The following ITGB4 variants were observed in gnomAD, a reference collection of about 807,000 sequenced individuals.
ITGB4 encodes the protein integrin subunit beta 4, also known as integrin beta-4.
A neutral mutation model predicts 207.6 loss-of-function variants in ITGB4; 159 were observed. The observed-to-expected ratio is 0.77, with a 90% CI of 0.67 to 0.87. ITGB4 has a LOEUF of 0.87. Ranked by LOEUF, ITGB4 falls within the 40% of genes least tolerant of loss-of-function variation. ITGB4 has a pLI of 0.00. For synonymous variants in ITGB4, 1,020 were observed against 1,062.7 expected (o/e 0.96, Z 0.78); for missense variants, 2,278 against 2,546.8 (o/e 0.89, Z 2.27).
intron 18 of ITGB4, among the ~76,000 whole-genome samples, chr17:75,738,798 A>G (rs754027731): frequency 1.3e-5 from 2 of 152,206 alleles, no homozygotes; most frequent in Non-Finnish European, 1.5e-5. Flanking sequence ...TGTGCATTAC[A>G]TAGGCAAGGA....
chr17:75,753,636 A>C, intron 32 of ITGB4, 129 bp from the exon 33 acceptor site: 3 of 551,034 alleles, frequency 5.4e-6, no homozygotes, highest in Non-Finnish European at 5.4e-6. Flanking sequence ...CCCCGCCCCC[A>C]ACACACACCC....
At chr17:75,735,424 T>C (rs1294455920) in intron 13 of ITGB4, among the ~76,000 whole-genome samples, 4 of 145,272 alleles carry the variant, frequency 2.8e-5, no homozygotes, top group Non-Finnish European at 6.1e-5. Flanking sequence ...TTTTTTTTTT[T>C]TTTTTTTGAG....
At position 75,750,536 on chromosome 17, in the gene ITGB4, A is replaced by T. The variant is rs950899987; in HGVS notation, c.3475-144A>T. 3.5e-6 allele frequency: 3 copies of T among 850,914 alleles called. No homozygotes were observed. Among genetic ancestry groups the T allele is most frequent in the Non-Finnish European group, 5.7e-6 (3 of 527,530 alleles). 52.7% of individuals were successfully genotyped at this position (850,914 alleles called of 1,614,324 possible). On this transcript the variant is annotated intron_variant, in intron 28 of 39. Transcript: ENST00000200181. This position sits in a 1 kb window ranked among gnomAD's most constrained non-coding sequence, Gnocchi z 5.5. ...CCCCACCTGCTCTGCCCTAGTCCTG[A>T]CGTGTGCACATGGCAGATCTCTCAG... is the stretch of plus-strand genomic sequence containing the variant.
intron 13 of ITGB4, among the ~76,000 whole-genome samples, chr17:75,734,616 G>A (rs1042933845): frequency 8.5e-5 from 13 of 152,192 alleles, no homozygotes; most frequent in Admixed American, 7.9e-4. Context: ...GGAGGAGGAT[G>A]AATGAAAATC....
At position 75,740,341 on chromosome 17, in the gene ITGB4, C is replaced by G. The variant is rs774016446; in HGVS notation, c.2447-17C>G. On this transcript the variant is annotated splice_polypyrimidine_tract_variant and intron_variant, in intron 20 of 39. Transcript: ENST00000200181. This position sits in a 1 kb window ranked among gnomAD's most constrained non-coding sequence, Gnocchi z 5.9. The stretch of plus-strand genomic sequence containing the variant: ...CTGACCACCTCCATCTCACCCCCTC[C>G]CACCGCCTTTCCTTAGTGCCCTACG... 1 of 1,606,264 alleles carries G rather than the reference C, an allele frequency of 6.2e-7. No individual in the cohort carries two copies. Among genetic ancestry groups the G allele is most frequent in the African/African-American group, 1.3e-5 (1 of 74,944 alleles).
In ITGB4 at chr17:75,736,272, C is replaced by T. The variant is rs2060972874; in HGVS notation, c.1762-16C>T. ...ATGGGGCACAGCTGGCTCACTGGTG[C>T]CCCCTCCTACCCCAGGGCATCTGTA... On this transcript the variant is annotated splice_polypyrimidine_tract_variant and intron_variant, in intron 14 of 39. Transcript: ENST00000200181. 2 of 1,611,128 alleles carry T rather than the reference C, an allele frequency of 1.2e-6. No individual in the cohort carries two copies. Among genetic ancestry groups the T allele is most frequent in the African/African-American group, 2.7e-5 (2 of 74,858 alleles).
intron 6 of ITGB4, among the ~76,000 whole-genome samples, 187 bp downstream of exon 6, chr17:75,728,660 G>A (rs1053948395): frequency 6.6e-6 from 1 of 152,098 alleles, no homozygotes; most frequent in Non-Finnish European, 1.5e-5. Flanking sequence ...ACCAGCCTGG[G>A]CAACATGGCA....
rs1479970885 is a variant in ITGB4 at position 75,739,910 on chromosome 17, A to G, written c.2285A>G (p.Tyr762Cys). 10 of 1,613,394 alleles carry G rather than the reference A, an allele frequency of 6.2e-6. No individual in the cohort carries two copies. Among genetic ancestry groups the G allele is most frequent in the Non-Finnish European group, 7.6e-6 (9 of 1,180,044 alleles). ...GHMVGFKEDH[Y>C]MLRENLMASD... ...ATGGTGGGCTTTAAGGAAGACCACT[A>G]CATGCTGCGGGAGAACCTGATGGCC... The change falls in exon 20 of 40, where the codon TAC (tyrosine) becomes TGC (cysteine). Residue 762 changes from tyrosine to cysteine, a missense_variant. Tyr to Cys is a radical substitution (Grantham distance 194, BLOSUM62 -2). Coordinates refer to ENST00000200181, the MANE Select transcript of ITGB4 (RefSeq NM_000213.5). The surrounding 1 kb of genome is among the most constrained non-coding windows in gnomAD (Gnocchi z 5.4).
rs536520379 is a variant in ITGB4, at chr17:75,731,453, G to A, written c.1215+85G>A. 33 of 1,398,990 alleles carry A rather than the reference G, an allele frequency of 2.4e-5. No individual in the cohort carries two copies. The highest frequency in any genetic ancestry group is 1.4e-4 in the African/African-American group (10 of 71,006). The allele number at this position is 1,398,990 out of a possible 1,614,324, so 86.7% of individuals were successfully genotyped here. A position where few individuals can be genotyped will look rare whatever the true frequency, so the allele number is the denominator to read the frequency against. ...ATCGTTTAAAACAGCGGTCAAGAGC[G>A]TGGCCCCTGGAGTCAGGCAGGCCTG... On this transcript the variant is annotated intron_variant, in intron 10 of 39. Coordinates refer to ENST00000200181, the MANE Select transcript of ITGB4 (RefSeq NM_000213.5). The surrounding 1 kb of genome is among the most constrained non-coding windows in gnomAD (Gnocchi z 6.8).
At chr17:75,724,413 G>A (rs1030439700) in intron 1 of ITGB4, among the ~76,000 whole-genome samples, 1 of 152,272 alleles carries the variant, frequency 6.6e-6, no homozygotes, top group Non-Finnish European at 1.5e-5. Flanking sequence ...GGAGCCCAGT[G>A]CTGAGAGGCC....
intron 12 of ITGB4, 99 bp from the exon 13 acceptor site, chr17:75,733,391 A>T: frequency 2.8e-6 from 3 of 1,066,220 alleles, no homozygotes; most frequent in Non-Finnish European, 3.9e-6. Flanking sequence ...GTCTCAAAAA[A>T]AAAAATAAAA....
rs755869152 is a variant in ITGB4 at position 75,740,998 on chromosome 17, G to A, written c.2626G>A (p.Gly876Arg). 1.7e-5 allele frequency: 28 copies of A among 1,613,524 alleles called. No individual in the cohort carries two copies. Among genetic ancestry groups the A allele is most frequent in the Middle Eastern group, 3.3e-4 (2 of 6,038 alleles). Residue 876 changes from glycine to arginine, a missense_variant, in exon 23 of 40, where the codon GGG (glycine) becomes AGG (arginine). Coordinates refer to ENST00000200181, the MANE Select transcript of ITGB4 (RefSeq NM_000213.5). This position sits in a 1 kb window ranked among gnomAD's most constrained non-coding sequence, Gnocchi z 5.9. ...QTKFRQQPNA[G>R]KKQDHTIVDT... ...TCCCCACAGGCAGCAGCCCAATGCC[G>A]GGAAAAAGTGAGTAGAAGACTCGTG...
rs2060855960 is a variant in ITGB4 at position 75,731,440 on chromosome 17, A to C, written c.1215+72A>C. On this transcript the variant is annotated intron_variant, in intron 10 of 39. Coordinates refer to ENST00000200181, the MANE Select transcript of ITGB4 (RefSeq NM_000213.5). The surrounding 1 kb of genome is among the most constrained non-coding windows in gnomAD (Gnocchi z 6.8). Reference sequence around the variant, plus strand: ...CACACCGAGTGGAATCGTTTAAAACAGCGGTCAAGAGCGTGGCCCCTGGAG... The same window carrying C: ...CACACCGAGTGGAATCGTTTAAAACCGCGGTCAAGAGCGTGGCCCCTGGAG... The C allele has an allele frequency of 2.0e-6, 3 of 1,464,646 alleles. No homozygotes were observed. The highest frequency in any genetic ancestry group is 2.8e-6 in the Non-Finnish European group (3 of 1,070,480). 90.7% of individuals were successfully genotyped at this position (1,464,646 alleles called of 1,614,324 possible).
Position 75,727,944 on chromosome 17 carries a change from C to T in ITGB4, c.469+89C>T, listed in dbSNP as rs144669837. 6 of 1,213,216 alleles carry T rather than the reference C, an allele frequency of 4.9e-6. No homozygotes were observed. The highest frequency in any genetic ancestry group is 7.2e-6 in the Non-Finnish European group (6 of 834,332). The allele number at this position is 1,213,216 out of a possible 1,614,324, so 75.2% of individuals were successfully genotyped here. ...AGGCCAGGACTCAGGACAGCTGCAC[C>T]CACCCAGAAGGAAACACTGGACATT... On this transcript the variant is annotated intron_variant, in intron 5 of 39. Transcript: ENST00000200181. The surrounding 1 kb of genome is among the most constrained non-coding windows in gnomAD (Gnocchi z 6.0).
In ITGB4 at chr17:75,731,079, G is replaced by C. The variant is rs377758452; in HGVS notation, c.1092+115G>C. 108 of 1,396,978 alleles carry C rather than the reference G, an allele frequency of 7.7e-5. 1 individual carries two copies. The African/African-American group carries it at 1.5e-3, about 19-fold the overall frequency. The allele number at this position is 1,396,978 out of a possible 1,614,324, so 86.5% of individuals were successfully genotyped here. On this transcript the variant is annotated intron_variant, in intron 9 of 39. Transcript: ENST00000200181. The surrounding 1 kb of genome is among the most constrained non-coding windows in gnomAD (Gnocchi z 6.8). ...GGAGAAATGGGTCTGGGACAGACCA[G>C]TGAGGAAGGGTCTCTAGCTATCCCT... is the stretch of plus-strand genomic sequence containing the variant.
rs1441441082 is a variant in ITGB4 at position 75,754,747 on chromosome 17, G to A, written c.4490G>A (p.Arg1497His). 4.3e-6 allele frequency: 7 copies of A among 1,612,412 alleles called. No homozygotes were observed. Among genetic ancestry groups the A allele is most frequent in the South Asian group, 1.1e-5 (1 of 90,948 alleles). The part of the protein sequence containing the change: ...TLTRDYNSLT[R>H]SEHSHSTTLP... Reference sequence around the variant, plus strand: ...ACACGGGACTACAACTCACTGACCCGCTCAGAACACTCACACTCGACCACA... The same window carrying A: ...ACACGGGACTACAACTCACTGACCCACTCAGAACACTCACACTCGACCACA... Residue 1497 changes from arginine (R) to histidine (H), a missense_variant, in exon 34 of 40, where the codon CGC (arginine) becomes CAC (histidine). Arg to His is a conservative substitution (Grantham distance 29). Transcript: ENST00000200181.
Position 75,740,575 on chromosome 17 carries a change from G to T in ITGB4, c.2550+114G>T, listed in dbSNP as rs908469666. ...GAGATTCATTAACTAGGGGAGAGGG[G>T]TCTCTCTGGACCTGTGCCTGGCAGG... On this transcript the variant is annotated intron_variant, in intron 21 of 39. Transcript: ENST00000200181. This position sits in a 1 kb window ranked among gnomAD's most constrained non-coding sequence, Gnocchi z 5.9. 9.8e-7 allele frequency: 1 copy of T among 1,016,802 alleles called. No individual in the cohort carries two copies. The highest frequency in any genetic ancestry group is 1.5e-6 in the Non-Finnish European group (1 of 658,922). 63.0% of individuals were successfully genotyped at this position (1,016,802 alleles called of 1,614,324 possible).
intron 26 of ITGB4, 45 bp from the exon 27 acceptor site, chr17:75,748,796 T>G: frequency 6.7e-7 from 1 of 1,491,414 alleles, no homozygotes; most frequent in Non-Finnish European, 9.2e-7. Context: ...GACTCTTGCC[T>G]CAGCCCCCAG....
In ITGB4 at chr17:75,757,244, C is replaced by A. The variant is rs1478849876; in HGVS notation, c.5263C>A (p.Pro1755Thr). Reference sequence around the variant, plus strand: ...CAGCCGTGCCGGGCTCTTCCAGCACCCGCTGCAAAGCGAGTACAGCAGCAT... The same window carrying A: ...CAGCCGTGCCGGGCTCTTCCAGCACACGCTGCAAAGCGAGTACAGCAGCAT... ...LGSRAGLFQHPLQSEYSSITT... is the reference protein window; with the variant it reads ...LGSRAGLFQHTLQSEYSSITT... The change falls in exon 39 of 40, where the codon CCG becomes ACG. Residue 1755 changes from proline (P) to threonine (T), a missense_variant. Transcript: ENST00000200181. The A allele has an allele frequency of 6.2e-7, 1 of 1,612,044 alleles. No homozygotes were observed. Among genetic ancestry groups the A allele is most frequent in the East Asian group, 2.2e-5 (1 of 44,872 alleles).
Sources: allele counts gnomAD v4.1 joint callset (sites outside exome capture counted in the v4.1 genomes callset), GRCh38; gene constraint gnomAD v4.1.1; non-coding constraint Gnocchi (gnomAD v3.1); transcripts MANE v1.5; gene names NCBI Gene and HGNC (gene_info 2026-07-23, HGNC 2026-07-21).